Variants in SLC25A42 observed in about 807,000 individuals in gnomAD.
SLC25A42 encodes mitochondrial coenzyme A transporter SLC25A42.
A neutral mutation model predicts 34.7 loss-of-function variants in SLC25A42; 19 were observed. The observed-to-expected ratio is 0.55, with a 90% CI of 0.38 to 0.80. The LOEUF (loss-of-function observed/expected upper bound fraction) is 0.80. SLC25A42 is among the 30% of genes least tolerant of loss of function. SLC25A42 has a pLI of 0.00. For missense variants in SLC25A42, 364 were observed against 441.3 expected (o/e 0.82, Z 1.57); for synonymous variants, 205 against 191.2 (o/e 1.07, Z -0.59).
intron 1 of SLC25A42, among the ~76,000 whole-genome samples, chr19:19,071,444 T>A (rs980465386): frequency 2.0e-5 from 3 of 152,180 alleles, no homozygotes; most frequent in African/African-American, 4.8e-5. Flanking sequence ...AGTTCCATAT[T>A]GGTCAGTCTT....
rs1390075734 is a variant in SLC25A42, at chr19:19,111,090, G to C, written c.*214G>C. On this transcript the variant is annotated 3_prime_UTR_variant, in exon 8 of 8. Coordinates refer to ENST00000318596, the MANE Select transcript of SLC25A42 (RefSeq NM_178526.5). The stretch of plus-strand genomic sequence containing the variant: ...TGCAGTGTTGGGGCGATGGTGTGGG[G>C]GGTCCCGCAGCTCCCCTCTTCCTTC... 6.8e-6 allele frequency: 4 copies of C among 592,312 alleles called. No homozygotes were observed. Among genetic ancestry groups the C allele is most frequent in the Non-Finnish European group, 1.2e-5 (4 of 338,386 alleles). 36.7% of individuals were successfully genotyped at this position (592,312 alleles called of 1,614,324 possible).
intron 1 of SLC25A42, among the ~76,000 whole-genome samples, chr19:19,089,658 A>G (rs1310778659): frequency 6.6e-6 from 1 of 152,126 alleles, no homozygotes; most frequent in Non-Finnish European, 1.5e-5. Context: ...ACCTGAGGTC[A>G]GGAGATTGAG....
intron 2 of SLC25A42, among the ~76,000 whole-genome samples, chr19:19,100,953 T>C (rs1568521240): frequency 1.3e-5 from 2 of 151,996 alleles, no homozygotes; most frequent in African/African-American, 4.8e-5. Context: ...CCGAGTCCAC[T>C]GGGGAAATGG....
chr19:19,111,104 C>T lies in SLC25A42; in HGVS notation c.*228C>T, dbSNP rs746115280. On this transcript the variant is annotated 3_prime_UTR_variant, in exon 8 of 8. Coordinates refer to ENST00000318596, the MANE Select transcript of SLC25A42 (RefSeq NM_178526.5). ...GATGGTGTGGGGGGTCCCGCAGCTC[C>T]CCTCTTCCTTCCTCTGCAGACGCTG... The T allele has an allele frequency of 6.9e-6, 4 of 580,032 alleles. No individual in the cohort carries two copies. The highest frequency in any genetic ancestry group is 1.2e-5 in the Non-Finnish European group (4 of 329,432). 35.9% of individuals were successfully genotyped at this position (580,032 alleles called of 1,614,324 possible).
chr19:19,104,414 C>T (rs889173427), intron 3 of SLC25A42, among the ~76,000 whole-genome samples: 1 of 152,204 alleles, frequency 6.6e-6, no homozygotes, highest in African/African-American at 2.4e-5. Context: ...GGGTCTCTCC[C>T]AAGAGTGCTT....
intron 1 of SLC25A42, among the ~76,000 whole-genome samples, chr19:19,093,691 C>A (rs528615563): frequency 6.6e-6 from 1 of 152,082 alleles, no homozygotes; most frequent in Non-Finnish European, 1.5e-5. Context: ...TTTTTCCTTT[C>A]TTTCGAGACA....
At chr19:19,105,897 C>T (rs2059824610) in intron 5 of SLC25A42, 170 bp downstream of exon 5, 7 of 626,096 alleles carry the variant, frequency 1.1e-5, no homozygotes. Flanking sequence ...CTGAGGGACC[C>T]CCTGACTCTG....
intron 1 of SLC25A42, among the ~76,000 whole-genome samples, chr19:19,070,295 AT>A (rs11390931): frequency 0.029 from 3,004 of 104,776 alleles, 77 homozygotes; most frequent in African/African-American, 0.079. Context: ...CTGCCTGGCC[AT>A]TTTTTTTTTT....
Position 19,111,000 on chromosome 19 carries a change from C to A in SLC25A42, c.*124C>A. 2 of 1,121,916 alleles carry A rather than the reference C, an allele frequency of 1.8e-6. No homozygotes were observed. The highest frequency in any genetic ancestry group is 2.5e-6 in the Non-Finnish European group (2 of 791,478). The allele number at this position is 1,121,916 out of a possible 1,614,324, so 69.5% of individuals were successfully genotyped here. On this transcript the variant is annotated 3_prime_UTR_variant, in exon 8 of 8. Transcript: ENST00000318596. ...CACATGGGGCGCTTTATGGAACGAG[C>A]AGGTGGGCCTGAGGGGCCTGGGCTC...
intron 1 of SLC25A42, among the ~76,000 whole-genome samples, chr19:19,076,974 A>G (rs1258999123): frequency 6.6e-6 from 1 of 152,134 alleles, no homozygotes; most frequent in African/African-American, 2.4e-5. Context: ...GCTTGAGCCC[A>G]GGAGTTCAAG....
intron 1 of SLC25A42, among the ~76,000 whole-genome samples, chr19:19,095,132 C>T (rs900012616): frequency 2.0e-5 from 3 of 151,888 alleles, no homozygotes; most frequent in East Asian, 1.9e-4. Flanking sequence ...ACCTGGAAGG[C>T]GGAGGCTGCA....
At chr19:19,073,639 A>T (rs1264377948) in intron 1 of SLC25A42, among the ~76,000 whole-genome samples, 1 of 150,584 alleles carries the variant, frequency 6.6e-6, no homozygotes, top group Non-Finnish European at 1.5e-5. Context: ...CAGTGGCATG[A>T]TCTTGGCTCA....
intron 1 of SLC25A42, among the ~76,000 whole-genome samples, chr19:19,092,740 A>C (rs2059744427): frequency 6.6e-6 from 1 of 152,196 alleles, no homozygotes; most frequent in Non-Finnish European, 1.5e-5. Flanking sequence ...GTGACTTTGC[A>C]GAACATGTCC....
chr19:19,066,326 G>A (rs917440878), intron 1 of SLC25A42, among the ~76,000 whole-genome samples: 11 of 152,218 alleles, frequency 7.2e-5, no homozygotes, highest in African/African-American at 7.2e-5. Flanking sequence ...GAAAGGGGTC[G>A]GGGGAGGTAT....
intron 3 of SLC25A42, 116 bp downstream of exon 3, chr19:19,102,002 A>T: frequency 2.9e-6 from 2 of 685,590 alleles, no homozygotes; most frequent in Non-Finnish European, 4.8e-6. Flanking sequence ...TTTAGAAATA[A>T]GGTTTTTTGT....
At chr19:19,069,235 C>G (rs1421406815) in intron 1 of SLC25A42, among the ~76,000 whole-genome samples, 1 of 152,140 alleles carries the variant, frequency 6.6e-6, no homozygotes, top group Admixed American at 6.6e-5. Context: ...TGCTTGGATT[C>G]CAGGGGCTCA....
At chr19:19,083,908 G>A (rs1599672095) in intron 1 of SLC25A42, among the ~76,000 whole-genome samples, 1 of 144,698 alleles carries the variant, frequency 6.9e-6, no homozygotes, top group Non-Finnish European at 1.5e-5. Context: ...GCCCCTGCAG[G>A]CACCTCCTGG....
At position 19,109,950 on chromosome 19, in the gene SLC25A42, A is replaced by T. The variant is rs2059853903; in HGVS notation, c.650-619A>T. Among the ~76,000 whole-genome samples the T allele has an allele frequency of 6.6e-6, 1 of 152,130 alleles. No homozygotes were observed. Among genetic ancestry groups the T allele is most frequent in the Non-Finnish European group, 1.5e-5 (1 of 68,032 alleles). ...CAGGTCGGGGACCAGGCACGGGAGC[A>T]CCTAGAATGTTCCTTTACTAGACGT... On this transcript the variant is annotated intron_variant, in intron 7 of 7. Transcript: ENST00000318596. This position sits in a 1 kb window ranked among gnomAD's most constrained non-coding sequence, Gnocchi z 4.1.
rs148201882 is a variant in SLC25A42, at chr19:19,073,891, A to G, written c.-35+9776A>G. Reference sequence around the variant, plus strand: ...GCCCAGCTAATTTTTGTATTTTTGTAGAGACAGGGTTTTACCATGTTGCCC... The same window carrying G: ...GCCCAGCTAATTTTTGTATTTTTGTGGAGACAGGGTTTTACCATGTTGCCC... On this transcript the variant is annotated intron_variant, in intron 1 of 7. Coordinates refer to ENST00000318596, the MANE Select transcript of SLC25A42 (RefSeq NM_178526.5). Among the ~76,000 whole-genome samples, 440 of 152,180 alleles carry G rather than the reference A, an allele frequency of 2.9e-3. 1 individual carries two copies. Among genetic ancestry groups the G allele is most frequent in the African/African-American group, 0.01 (420 of 41,528 alleles).
Sources: gnomAD v4.1 joint callset for allele counts (sites outside exome capture counted in the v4.1 genomes callset) on GRCh38, gnomAD v4.1.1 for gene constraint, Gnocchi (gnomAD v3.1) non-coding constraint, MANE v1.5 for transcripts, NCBI Gene and HGNC (gene_info 2026-07-23, HGNC 2026-07-21) for gene names.